Variants in CEMIP2 observed in about 807,000 individuals in gnomAD.
The protein encoded by CEMIP2 is cell migration inducing hyaluronidase 2.
CEMIP2 carries 79 observed loss-of-function variants against 146.9 expected under a neutral mutation model. The observed-to-expected ratio is 0.54, with a 90% CI of 0.45 to 0.65. CEMIP2 has a LOEUF of 0.65. Ranked by LOEUF, CEMIP2 falls within the 30% of genes least tolerant of loss-of-function variation. The pLI is 0.00. For synonymous variants in CEMIP2, 601 were observed against 606.3 expected, an observed-to-expected ratio of 0.99 and a Z score of 0.13; for missense variants, 1,596 against 1,696.2, an observed-to-expected ratio of 0.94 and a Z score of 1.04.
chr9:71,764,409 T>C (rs991674605), intron 1 of CEMIP2, among the ~76,000 whole-genome samples: 1 of 151,178 alleles, frequency 6.6e-6, no homozygotes, highest in Non-Finnish European at 1.5e-5. Context: ...AATAAGAATA[T>C]ATCTGAGAAA....
intron 18 of CEMIP2, among the ~76,000 whole-genome samples, chr9:71,701,029 T>C (rs1023775904): frequency 6.6e-6 from 1 of 152,200 alleles, no homozygotes; most frequent in African/African-American, 2.4e-5. Context: ...CCCACCTTCA[T>C]CTGTTGCTCA....
At chr9:71,710,743 G>A (rs1822881775) in intron 16 of CEMIP2, among the ~76,000 whole-genome samples, 2 of 152,112 alleles carry the variant, frequency 1.3e-5, no homozygotes, top group South Asian at 2.1e-4. Flanking sequence ...GCAAGTCTCC[G>A]TACTGGACAG....
At chr9:71,702,405 G>T (rs377585505) in intron 18 of CEMIP2, among the ~76,000 whole-genome samples, 2 of 150,244 alleles carry the variant, frequency 1.3e-5, no homozygotes, top group African/African-American at 4.9e-5. Context: ...GCGGGGGGGC[G>T]GGCAGGAGAA....
intron 21 of CEMIP2, among the ~76,000 whole-genome samples, chr9:71,690,741 T>C: frequency 6.6e-6 from 1 of 152,216 alleles, no homozygotes; most frequent in Non-Finnish European, 1.5e-5. Flanking sequence ...TTGCTACAAA[T>C]AATAGCTCTC....
intron 20 of CEMIP2, among the ~76,000 whole-genome samples, chr9:71,697,118 C>T (rs1368214869): frequency 6.6e-6 from 1 of 152,184 alleles, no homozygotes; most frequent in Non-Finnish European, 1.5e-5. Flanking sequence ...GGCCGCAGCC[C>T]CACAGTTGCT....
chr9:71,707,726 A>C (rs771066227), intron 17 of CEMIP2, among the ~76,000 whole-genome samples: 51 of 152,350 alleles, frequency 3.3e-4, no homozygotes, highest in Middle Eastern at 6.8e-3. Flanking sequence ...CCCCAGGAAG[A>C]GCCCATGCTA....
At position 71,684,275 on chromosome 9, in the gene CEMIP2, C is replaced by A. The variant is rs1331811506; in HGVS notation, c.*922G>T. 1 of 152,112 alleles carries A rather than the reference C, an allele frequency of 6.6e-6. No homozygotes were observed. The highest frequency in any genetic ancestry group is 1.5e-5 in the Non-Finnish European group (1 of 68,016). The allele number at this position is 152,112 out of a possible 1,614,324, so 9.4% of individuals were successfully genotyped here. ...AAAGCTTTAAAAAATCCACACAAAA[C>A]AATAACAAAAAACCCAAGTGCAAGA... On this transcript the variant is annotated 3_prime_UTR_variant, in exon 24 of 24. Transcript: ENST00000377044.
intron 18 of CEMIP2, among the ~76,000 whole-genome samples, chr9:71,702,756 TA>T (rs1822609017): frequency 6.6e-6 from 1 of 152,224 alleles, no homozygotes; most frequent in African/African-American, 2.4e-5. Context: ...GTAATTTTTA[TA>T]AACTTTCAGC....
At chr9:71,714,181 T>C (rs1355756748) in intron 15 of CEMIP2, among the ~76,000 whole-genome samples, 3 of 152,352 alleles carry the variant, frequency 2.0e-5, no homozygotes, top group East Asian at 3.9e-4. Flanking sequence ...GGGGAGTTGA[T>C]TCTTAAAGAA....
chr9:71,749,857 C>T lies in CEMIP2; in HGVS notation c.331+186G>A. ...GTGGCACAATGGACAGGAAGAGCAACCATTTAATCATTTCCAACAGATTAT... is the reference window on the plus strand; with the variant it reads ...GTGGCACAATGGACAGGAAGAGCAATCATTTAATCATTTCCAACAGATTAT... On this transcript the variant is annotated intron_variant, in intron 2 of 23. Coordinates refer to ENST00000377044, the MANE Select transcript of CEMIP2 (RefSeq NM_013390.3). 4 of 544,822 alleles carry T rather than the reference C, an allele frequency of 7.3e-6. No individual in the cohort carries two copies. The South Asian group carries it at 1.1e-4, about 14-fold the overall frequency. 33.7% of individuals were successfully genotyped at this position (544,822 alleles called of 1,614,324 possible).
intron 12 of CEMIP2, among the ~76,000 whole-genome samples, chr9:71,720,673 T>C (rs1250181260): frequency 1.3e-5 from 2 of 152,250 alleles, no homozygotes; most frequent in Non-Finnish European, 2.9e-5. Flanking sequence ...GTTTAATATA[T>C]GAGCTGGTTT....
chr9:71,729,836 G>A lies in CEMIP2; in HGVS notation c.2049+9C>T, dbSNP rs372208303. The A allele has an allele frequency of 7.4e-6, 12 of 1,613,296 alleles. No individual in the cohort carries two copies. The highest frequency in any genetic ancestry group is 1.7e-4 in the Middle Eastern group (1 of 6,060). On this transcript the variant is annotated intron_variant, in intron 10 of 23. Transcript: ENST00000377044. ...TTAAAACATCTGAGGTCACTTTAACGTTATTTACCTGTGAGCCTGCAGCTG... is the reference window on the plus strand; with the variant it reads ...TTAAAACATCTGAGGTCACTTTAACATTATTTACCTGTGAGCCTGCAGCTG...
chr9:71,710,466 A>G (rs1054822567), intron 16 of CEMIP2, among the ~76,000 whole-genome samples: 2 of 152,208 alleles, frequency 1.3e-5, no homozygotes, highest in African/African-American at 4.8e-5. Context: ...AAATCTGAGA[A>G]AAGCTTAGAG....
intron 15 of CEMIP2, among the ~76,000 whole-genome samples, chr9:71,714,449 G>C (rs530917358): frequency 6.6e-6 from 1 of 152,106 alleles, no homozygotes; most frequent in Non-Finnish European, 1.5e-5. Context: ...CAGCTGTGGT[G>C]GGGTTTTGAG....
At chr9:71,767,887 C>A (rs999008192) in intron 1 of CEMIP2, among the ~76,000 whole-genome samples, 3 of 152,186 alleles carry the variant, frequency 2.0e-5, no homozygotes, top group Non-Finnish European at 4.4e-5. Context: ...AACGCACAAG[C>A]GCGCGCGCAC....
At position 71,730,877 on chromosome 9, in the gene CEMIP2, A is replaced by T. The variant is rs766273941; in HGVS notation, c.1601T>A (p.Val534Glu). The T allele has an allele frequency of 6.2e-7, 1 of 1,614,218 alleles. No individual in the cohort carries two copies. The highest frequency in any genetic ancestry group is 8.5e-7 in the Non-Finnish European group (1 of 1,180,034). Residue 534 changes from valine (V) to glutamate (E), a missense_variant, in exon 8 of 24, where the codon GTG (valine) becomes GAG (glutamate). Val to Glu is a moderately radical substitution (Grantham distance 121, BLOSUM62 -2). Transcript: ENST00000377044. The part of the protein sequence containing the change: ...KNFTSVHLSY[V>E]ELKHMGQQQM... ...CTGCTGACCCATGTGTTTCAATTCC[A>T]CATAAGAAAGATGGACTGAAGTAAA... is the stretch of plus-strand genomic sequence containing the variant.
intron 12 of CEMIP2, 23 bp from the exon 13 acceptor site, chr9:71,718,102 T>TA: frequency 6.3e-7 from 1 of 1,586,160 alleles, no homozygotes; most frequent in Non-Finnish European, 8.6e-7. Flanking sequence ...AAAAGAATTT[T>TA]AAAAAATATA....
At chr9:71,721,519 T>C (rs1351691264) in intron 12 of CEMIP2, among the ~76,000 whole-genome samples, 1 of 152,234 alleles carries the variant, frequency 6.6e-6, no homozygotes, top group Non-Finnish European at 1.5e-5. Flanking sequence ...CAAGACAAAC[T>C]AGACTTTCCC....
intron 1 of CEMIP2, among the ~76,000 whole-genome samples, chr9:71,755,283 G>T (rs1824396290): frequency 6.7e-6 from 1 of 149,586 alleles, no homozygotes; most frequent in South Asian, 2.1e-4. Context: ...GGTCAATATG[G>T]GAGGATTGCT....
Sources: allele counts gnomAD v4.1 joint callset (sites outside exome capture counted in the v4.1 genomes callset), GRCh38; gene constraint gnomAD v4.1.1; transcripts MANE v1.5; gene names NCBI Gene and HGNC (gene_info 2026-07-23, HGNC 2026-07-21).